Variants in CNTNAP2 observed in about 807,000 individuals in gnomAD.
CNTNAP2 encodes the protein contactin-associated protein-like 2.
In CNTNAP2, 98 loss-of-function variants were observed where a neutral mutation model predicts 155.2. The ratio of observed to expected loss-of-function variants is 0.63; its 90% CI spans 0.54 to 0.75. The LOEUF (loss-of-function observed/expected upper bound fraction) is 0.75, where lower values mean the gene tolerates loss of function less well. Among genes scored for constraint, CNTNAP2 ranks in the 30% least tolerant of loss-of-function variants. The pLI, the probability that CNTNAP2 is intolerant of heterozygous loss-of-function variation, is 0.00. For synonymous variants in CNTNAP2, 651 were observed against 631.2 expected, an observed-to-expected ratio of 1.03 and a Z score of -0.47; for missense variants, 1,727 against 1,688.1, an observed-to-expected ratio of 1.02 and a Z score of -0.40.
chr7:148,301,306 A>AAAATATATATATATATATAT, intron 21 of CNTNAP2, among the ~76,000 whole-genome samples: 29 of 103,848 alleles, frequency 2.8e-4, no homozygotes, highest in Non-Finnish European at 4.2e-4. Context: ...AAAAAAAAAA[A>AAAATATATATATATATATAT]ATATATATAT....
chr7:147,014,597 A>G (rs1161304031), intron 3 of CNTNAP2, among the ~76,000 whole-genome samples: 3 of 152,302 alleles, frequency 2.0e-5, no homozygotes, highest in East Asian at 3.9e-4. Context: ...TTGGTTTAAC[A>G]TAATGTTCAA....
chr7:147,191,534 G>A (rs759610292), intron 8 of CNTNAP2, among the ~76,000 whole-genome samples: 2 of 152,114 alleles, frequency 1.3e-5, no homozygotes, highest in Non-Finnish European at 2.9e-5. Context: ...CACAATTTTA[G>A]TGAAAGGGTA....
intron 15 of CNTNAP2, among the ~76,000 whole-genome samples, chr7:148,000,366 A>C (rs1205475932): frequency 6.6e-6 from 1 of 152,218 alleles, no homozygotes; most frequent in African/African-American, 2.4e-5. Context: ...TCACATAATA[A>C]TAATTGTATG....
intron 1 of CNTNAP2, among the ~76,000 whole-genome samples, chr7:146,281,570 G>A (rs1394431368): frequency 6.6e-6 from 1 of 152,134 alleles, no homozygotes; most frequent in East Asian, 1.9e-4. Context: ...GCTGAGGCGG[G>A]TGGATCACAA....
At chr7:147,610,739 T>G (rs745450920) in intron 12 of CNTNAP2, among the ~76,000 whole-genome samples, 5 of 151,994 alleles carry the variant, frequency 3.3e-5, no homozygotes, top group Admixed American at 1.3e-4. Flanking sequence ...CATGTTTGTT[T>G]GTTGGTTGGT....
chr7:148,236,896 C>A (rs1044086737), intron 20 of CNTNAP2, among the ~76,000 whole-genome samples: 1 of 152,204 alleles, frequency 6.6e-6, no homozygotes, highest in Non-Finnish European at 1.5e-5. Context: ...CACATATTAT[C>A]AGGAGAACAG....
At chr7:147,887,457 G>A (rs937022839) in intron 13 of CNTNAP2, among the ~76,000 whole-genome samples, 5 of 152,226 alleles carry the variant, frequency 3.3e-5, no homozygotes, top group African/African-American at 1.2e-4. Flanking sequence ...AGGGACAAGA[G>A]CAAGACTTCG....
chr7:147,962,109 G>A (rs1280919551), intron 14 of CNTNAP2, among the ~76,000 whole-genome samples: 1 of 152,228 alleles, frequency 6.6e-6, no homozygotes, highest in Non-Finnish European at 1.5e-5. Context: ...ATTAGAGTTA[G>A]GACTGATTAA....
At chr7:146,254,305 C>T (rs1322984034) in intron 1 of CNTNAP2, among the ~76,000 whole-genome samples, 3 of 152,152 alleles carry the variant, frequency 2.0e-5, no homozygotes, top group Non-Finnish European at 4.4e-5. Context: ...ATAAGGATAG[C>T]CTCAATTATC....
intron 9 of CNTNAP2, among the ~76,000 whole-genome samples, chr7:147,326,652 T>C (rs1040802734): frequency 1.3e-5 from 2 of 152,228 alleles, no homozygotes; most frequent in Non-Finnish European, 2.9e-5. Flanking sequence ...ACTAGCAGTG[T>C]ACAAAGGTTC....
chr7:148,222,992 T>C (rs2116767135), intron 19 of CNTNAP2, among the ~76,000 whole-genome samples: 1 of 152,310 alleles, frequency 6.6e-6, no homozygotes, highest in South Asian at 2.1e-4. Context: ...CAAATGACAA[T>C]ATGCATGTGT....
chr7:147,107,863 G>A (rs1291688538), intron 4 of CNTNAP2, among the ~76,000 whole-genome samples: 2 of 152,054 alleles, frequency 1.3e-5, no homozygotes, highest in East Asian at 1.9e-4. Context: ...TCTAAGTTAA[G>A]ATTTGAAGCA....
chr7:148,354,548 C>T (rs1798479755), intron 21 of CNTNAP2, among the ~76,000 whole-genome samples: 1 of 152,118 alleles, frequency 6.6e-6, no homozygotes, highest in Non-Finnish European at 1.5e-5. Context: ...CCTGTCTCCC[C>T]AGGACCTGTC....
chr7:147,436,969 C>T (rs774721557), intron 10 of CNTNAP2, among the ~76,000 whole-genome samples: 92 of 151,996 alleles, frequency 6.1e-4, no homozygotes, highest in Non-Finnish European at 1.0e-3. Context: ...GTTTCAATTA[C>T]TTGTTTTCTA....
chr7:148,274,583 T>C (rs1308423544), intron 21 of CNTNAP2, among the ~76,000 whole-genome samples: 1 of 152,058 alleles, frequency 6.6e-6, no homozygotes, highest in Non-Finnish European at 1.5e-5. Context: ...ATGTAGCACC[T>C]CCCCCCAACA....
intron 21 of CNTNAP2, among the ~76,000 whole-genome samples, chr7:148,311,189 T>C (rs1002040459): frequency 6.4e-5 from 9 of 141,732 alleles, no homozygotes; most frequent in African/African-American, 2.5e-4. Flanking sequence ...GAGGTCTTGC[T>C]GGACCTGTCT....
intron 1 of CNTNAP2, among the ~76,000 whole-genome samples, chr7:146,494,660 A>G (rs1285904064): frequency 1.3e-5 from 2 of 152,170 alleles, no homozygotes; most frequent in Non-Finnish European, 2.9e-5. Flanking sequence ...ATTTATACTG[A>G]CTGAAACACA....
chr7:147,074,328 A>T (rs1228441395), intron 4 of CNTNAP2, among the ~76,000 whole-genome samples: 1 of 152,026 alleles, frequency 6.6e-6, no homozygotes, highest in Admixed American at 6.6e-5. Context: ...CCCATTACAG[A>T]TGATGTGCCT....
At chr7:147,801,650 C>A (rs1051486928) in intron 13 of CNTNAP2, among the ~76,000 whole-genome samples, 10 of 152,130 alleles carry the variant, frequency 6.6e-5, no homozygotes, top group African/African-American at 1.2e-4. Flanking sequence ...GTAAGGTCAC[C>A]AATCAACAGG....
Sources: gnomAD v4.1 joint callset for allele counts (sites outside exome capture counted in the v4.1 genomes callset) on GRCh38, gnomAD v4.1.1 for gene constraint, MANE v1.5 for transcripts, NCBI Gene and HGNC (gene_info 2026-07-23, HGNC 2026-07-21) for gene names.